Variants in NSMCE4A observed in about 807,000 individuals in gnomAD.
NSMCE4A encodes the protein non-structural maintenance of chromosomes element 4 homolog A.
Under a neutral mutation model 47.9 loss-of-function variants are expected in NSMCE4A, and 40 were observed. The observed-to-expected ratio is 0.83, with a 90% confidence interval of 0.65 to 1.09. The LOEUF (loss-of-function observed/expected upper bound fraction) is 1.09. NSMCE4A is among the 50% of genes least tolerant of loss of function. The probability of loss-of-function intolerance (pLI) is 0.00; values close to 1 mark genes in which losing one functional copy is unlikely to be tolerated. For missense variants in NSMCE4A, 500 were observed against 507.0 expected (o/e 0.99, Z 0.13); for synonymous variants, 166 against 178.5 (o/e 0.93, Z 0.56).
Position 121,959,366 on chromosome 10 carries a change from T to C in NSMCE4A, c.1128A>G (p.Pro376=). The C allele has an allele frequency of 6.2e-7, 1 of 1,614,228 alleles. No homozygotes were observed. The highest frequency in any genetic ancestry group is 8.5e-7 in the Non-Finnish European group (1 of 1,180,042). ...TFEISEPVIT[P]SQRQQKPSA is the part of the protein sequence containing the mutation. ...CACTTGGCTTCTGCTGCCTCTGACT[T>C]GGAGTAATCACAGGCTCTGAAATCT... is the stretch of plus-strand genomic sequence containing the variant. The change falls in exon 10 of 11, where the codon CCA becomes CCG. Residue 376 remains proline (P), a synonymous_variant. Transcript: ENST00000369023.
At chr10:121,974,175 C>T (rs1270014300) in intron 1 of NSMCE4A, 94 bp from the exon 2 acceptor site, 2 of 1,359,256 alleles carry the variant, frequency 1.5e-6, no homozygotes, top group South Asian at 1.3e-5. Context: ...AGCCAAGCCC[C>T]GGCCCCTGCG....
chr10:121,960,440 A>T lies in NSMCE4A; in HGVS notation c.940-34T>A, dbSNP rs374813924. On this transcript the variant is annotated intron_variant, in intron 7 of 10. Transcript: ENST00000369023. This position sits in a 1 kb window ranked among gnomAD's most constrained non-coding sequence, Gnocchi z 4.2. ...AAAACATGATTTTAGGAGAAGACAAACATTTAAGACTCAAACCTATACGCA... is the reference window on the plus strand; with the variant it reads ...AAAACATGATTTTAGGAGAAGACAATCATTTAAGACTCAAACCTATACGCA... 2 of 1,475,026 alleles carry T rather than the reference A, an allele frequency of 1.4e-6. No homozygotes were observed. Among genetic ancestry groups the T allele is most frequent in the Non-Finnish European group, 1.8e-6 (2 of 1,113,240 alleles). The allele number at this position is 1,475,026 out of a possible 1,614,324, so 91.4% of individuals were successfully genotyped here.
At chr10:121,963,436 C>CTTT in intron 5 of NSMCE4A, 108 bp from the exon 6 acceptor site, 8 of 543,138 alleles carry the variant, frequency 1.5e-5, no homozygotes, top group East Asian at 9.3e-5. Context: ...CACCCGAACT[C>CTTT]TTTTTTTTTT....
At position 121,973,968 on chromosome 10, in the gene NSMCE4A, A is replaced by C. The variant is rs41317248; in HGVS notation, c.370+36T>G. The C allele has an allele frequency of 2.7e-3, 3,830 of 1,421,046 alleles. 12 individuals carry two copies. The highest frequency in any genetic ancestry group is 3.5e-3 in the Non-Finnish European group (3,629 of 1,028,672). The allele number at this position is 1,421,046 out of a possible 1,614,324, so 88.0% of individuals were successfully genotyped here. A position where few individuals can be genotyped will look rare whatever the true frequency, so the allele number is the denominator to read the frequency against. The stretch of plus-strand genomic sequence containing the variant: ...TTATGTAACACTAATTAAAAGTATC[A>C]TAAAACACGAAATAACATATAAAAT... On this transcript the variant is annotated intron_variant, in intron 2 of 10. Coordinates refer to ENST00000369023, the MANE Select transcript of NSMCE4A (RefSeq NM_017615.3).
rs773706231 is a variant in NSMCE4A at position 121,970,985 on chromosome 10, C to T, written c.455G>A (p.Arg152His). The T allele has an allele frequency of 2.9e-5, 46 of 1,613,808 alleles. No individual in the cohort carries two copies. The highest frequency in any genetic ancestry group is 5.3e-5 in the African/African-American group (4 of 74,884). ...DLGKEKAKQL[R>H]SDLSSFDMLR... ...CATGTCAAAGGAGCTCAGGTCTGAG[C>T]GCAGCTGCTTTGCTTTCTCTTTGCC... is the stretch of plus-strand genomic sequence containing the variant. Residue 152 changes from arginine to histidine, a missense_variant, in exon 3 of 11, where the codon CGC (arginine) becomes CAC (histidine). Coordinates refer to ENST00000369023, the MANE Select transcript of NSMCE4A (RefSeq NM_017615.3).
rs562537008 is a variant in NSMCE4A, at chr10:121,960,535, G to A, written c.940-129C>T. ...CAAATTACACCATAGCAATAATAAG[G>A]TGATGATATAGATAAGACTTCCCTA... On this transcript the variant is annotated intron_variant, in intron 7 of 10. Transcript: ENST00000369023. This position sits in a 1 kb window ranked among gnomAD's most constrained non-coding sequence, Gnocchi z 4.2. 7.4e-5 allele frequency: 44 copies of A among 591,780 alleles called. No homozygotes were observed. In the East Asian group the frequency reaches 1.5e-3, roughly 20 times the overall value. 36.7% of individuals were successfully genotyped at this position (591,780 alleles called of 1,614,324 possible). A position where few individuals can be genotyped will look rare whatever the true frequency, so the allele number is the denominator to read the frequency against.
chr10:121,967,877 C>A, intron 3 of NSMCE4A, 71 bp from the exon 4 acceptor site: 1 of 1,502,672 alleles, frequency 6.7e-7, no homozygotes, highest in Non-Finnish European at 9.0e-7. Context: ...CAATAATCCG[C>A]ATCACTCAAC....
intron 4 of NSMCE4A, chr10:121,966,569 T>G (rs1170156494): frequency 6.6e-6 from 1 of 152,186 alleles, no homozygotes; most frequent in Non-Finnish European, 1.5e-5. Context: ...CCTGAAGTCT[T>G]ATTAAAAATA....
chr10:121,972,538 G>A (rs936252381), intron 2 of NSMCE4A, among the ~76,000 whole-genome samples: 3 of 152,076 alleles, frequency 2.0e-5, no homozygotes, highest in Non-Finnish European at 4.4e-5. Context: ...AACTCCTAGG[G>A]CTCCAATGAG....
rs12777180 is a variant in NSMCE4A, at chr10:121,960,414, G to A, written c.940-8C>T. The A allele has an allele frequency of 9.4e-3, 14,179 of 1,503,628 alleles. 109 individuals are homozygous for A. Among genetic ancestry groups the A allele is most frequent in the Non-Finnish European group, 0.011 (12,856 of 1,139,036 alleles). 93.1% of individuals were successfully genotyped at this position (1,503,628 alleles called of 1,614,324 possible). A position where few individuals can be genotyped will look rare whatever the true frequency, so the allele number is the denominator to read the frequency against. Reference sequence around the variant, plus strand: ...TATTCTTGCAAAACCATCCTAAAACGAAAACATGATTTTAGGAGAAGACAA... The same window carrying A: ...TATTCTTGCAAAACCATCCTAAAACAAAAACATGATTTTAGGAGAAGACAA... On this transcript the variant is annotated splice_region_variant and splice_polypyrimidine_tract_variant and intron_variant, in intron 7 of 10. Coordinates refer to ENST00000369023, the MANE Select transcript of NSMCE4A (RefSeq NM_017615.3). The surrounding 1 kb of genome is among the most constrained non-coding windows in gnomAD (Gnocchi z 4.2).
At chr10:121,965,205 A>T in intron 5 of NSMCE4A, 81 bp downstream of exon 5, 1 of 966,768 alleles carries the variant, frequency 1.0e-6, no homozygotes, top group Non-Finnish European at 1.6e-6. Flanking sequence ...CTTAGAAAAA[A>T]TGGCCAAATT....
At position 121,975,131 on chromosome 10, in the gene NSMCE4A, C is replaced by T. The variant is rs931379124; in HGVS notation, c.35G>A (p.Gly12Asp). 4 of 1,412,644 alleles carry T rather than the reference C, an allele frequency of 2.8e-6. No homozygotes were observed. In the South Asian group the frequency reaches 6.1e-5, roughly 21 times the overall value. 87.5% of individuals were successfully genotyped at this position (1,412,644 alleles called of 1,614,324 possible). A position where few individuals can be genotyped will look rare whatever the true frequency, so the allele number is the denominator to read the frequency against. Reference sequence around the variant, plus strand: ...ATGCGGGTCGCGGCCCCGGCCCCGGCCCTCTGGCCCGCGGCCGCTGCTGTC... The same window carrying T: ...ATGCGGGTCGCGGCCCCGGCCCCGGTCCTCTGGCCCGCGGCCGCTGCTGTC... Reference protein sequence around the residue: ...SGDSSGRGPEGRGRGRDPHRD... With the variant: ...SGDSSGRGPEDRGRGRDPHRD... The change falls in exon 1 of 11, where the codon GGC becomes GAC. Residue 12 changes from glycine (G) to aspartate (D), a missense_variant. Physicochemically the swap from Gly to Asp is moderately conservative, Grantham distance 94. Coordinates refer to ENST00000369023, the MANE Select transcript of NSMCE4A (RefSeq NM_017615.3).
At chr10:121,959,667 G>T in intron 8 of NSMCE4A, 72 bp from the exon 9 acceptor site, 1 of 975,072 alleles carries the variant, frequency 1.0e-6, no homozygotes, top group Non-Finnish European at 1.6e-6. Flanking sequence ...AACGGAAACT[G>T]ATGAATAATA....
At chr10:121,974,135 A>T (rs1160359751) in intron 1 of NSMCE4A, 54 bp from the exon 2 acceptor site, 3 of 1,474,668 alleles carry the variant, frequency 2.0e-6, no homozygotes, top group Admixed American at 3.8e-5. Flanking sequence ...ACTAATAAGC[A>T]GTTGACAAGG....
chr10:121,971,479 C>A (rs546429549), intron 2 of NSMCE4A, among the ~76,000 whole-genome samples: 13 of 152,238 alleles, frequency 8.5e-5, no homozygotes, highest in African/African-American at 3.1e-4. Context: ...TGCACTCCAG[C>A]CTGGGTGTCA....
rs756442070 is a variant in NSMCE4A, at chr10:121,967,823, A to T, written c.502-17T>A. The T allele has an allele frequency of 1.3e-6, 2 of 1,597,164 alleles. No individual in the cohort carries two copies. Among genetic ancestry groups the T allele is most frequent in the Non-Finnish European group, 1.7e-6 (2 of 1,175,152 alleles). On this transcript the variant is annotated splice_polypyrimidine_tract_variant and intron_variant, in intron 3 of 10. Transcript: ENST00000369023. ...ATGTGTGAGCTACAAAAATGAAGGAAAACAAAAAACCCAGTTAAGCCACAT... is the reference window on the plus strand; with the variant it reads ...ATGTGTGAGCTACAAAAATGAAGGATAACAAAAAACCCAGTTAAGCCACAT...
chr10:121,958,238 AG>A (rs1309843797), intron 10 of NSMCE4A, among the ~76,000 whole-genome samples: 1 of 152,108 alleles, frequency 6.6e-6, no homozygotes, highest in Non-Finnish European at 1.5e-5. Flanking sequence ...TCAAAAAAAA[AG>A]AGAAGTTGGG....
At chr10:121,962,295 TG>T (rs1334367423) in intron 6 of NSMCE4A, among the ~76,000 whole-genome samples, 1 of 151,488 alleles carries the variant, frequency 6.6e-6, no homozygotes, top group African/African-American at 2.4e-5. Context: ...GGCGGGTGCC[TG>T]TAGTCCCAGC....
At chr10:121,957,543 C>T (rs1269589532) in intron 10 of NSMCE4A, among the ~76,000 whole-genome samples, 2 of 150,668 alleles carry the variant, frequency 1.3e-5, no homozygotes, top group African/African-American at 2.4e-5. Context: ...ACGCCATTCT[C>T]CTGCCTCAGC....
Sources: allele counts gnomAD v4.1 joint callset (sites outside exome capture counted in the v4.1 genomes callset), GRCh38; gene constraint gnomAD v4.1.1; non-coding constraint Gnocchi (gnomAD v3.1); transcripts MANE v1.5; gene names NCBI Gene and HGNC (gene_info 2026-07-23, HGNC 2026-07-21).